CDH13: variants seen among roughly 807,000 people sequenced by gnomAD.
CDH13 encodes the protein cadherin 13.
A neutral mutation model predicts 63.8 loss-of-function variants in CDH13; 24 were observed. That is an observed-to-expected ratio of 0.38 (90% CI 0.27 to 0.53). The LOEUF is 0.53. Ranked by LOEUF, CDH13 falls within the 20% of genes least tolerant of loss-of-function variation. The pLI is 0.85. For missense variants in CDH13, 1,049 were observed against 903.1 expected (o/e 1.16, Z -2.07); for synonymous variants, 503 against 355.3 (o/e 1.42, Z -4.67).
intron 3 of CDH13, among the ~76,000 whole-genome samples, chr16:83,102,024 T>G (rs1476316603): frequency 6.6e-6 from 1 of 152,194 alleles, no homozygotes; most frequent in African/African-American, 2.4e-5. Flanking sequence ...GGTCCAATGT[T>G]ATCACCAGGG....
At chr16:83,747,970 C>G in intron 10 of CDH13, 138 bp from the exon 11 acceptor site, 1 of 884,994 alleles carries the variant, frequency 1.1e-6, no homozygotes, top group Non-Finnish European at 1.8e-6. Flanking sequence ...GAATGAGCAA[C>G]TGTAACAGAA....
intron 8 of CDH13, among the ~76,000 whole-genome samples, chr16:83,655,501 G>A (rs897300459): frequency 6.6e-6 from 1 of 152,198 alleles, no homozygotes; most frequent in Non-Finnish European, 1.5e-5. Flanking sequence ...CTGTCAGAGA[G>A]AACGACACAG....
At chr16:83,106,256 C>G (rs920980248) in intron 3 of CDH13, among the ~76,000 whole-genome samples, 1 of 152,006 alleles carries the variant, frequency 6.6e-6, no homozygotes, top group Admixed American at 6.6e-5. Flanking sequence ...AACATACAAG[C>G]AGGCCAGGCA....
intron 5 of CDH13, among the ~76,000 whole-genome samples, chr16:83,247,879 A>G (rs562786392): frequency 6.6e-6 from 1 of 152,324 alleles, no homozygotes; most frequent in South Asian, 2.1e-4. Context: ...CAAAGGACAG[A>G]TGATTCTTCA....
In CDH13 at chr16:83,635,296, C is replaced by A. The variant is rs1911152734; in HGVS notation, c.1101+32702C>A. 1.3e-5 allele frequency among the ~76,000 whole-genome samples: 2 copies of A among 149,106 alleles called. 1 individual carries two copies. Among genetic ancestry groups the A allele is most frequent in the South Asian group, 4.3e-4 (2 of 4,682 alleles). ...TTTTTGTTTCGTTTTGTTTTACAGGCCATTTTCAGGACTTTAACTTTTGCC... is the reference window on the plus strand; with the variant it reads ...TTTTTGTTTCGTTTTGTTTTACAGGACATTTTCAGGACTTTAACTTTTGCC... On this transcript the variant is annotated intron_variant, in intron 8 of 13. Coordinates refer to ENST00000567109, the MANE Select transcript of CDH13 (RefSeq NM_001257.5).
intron 5 of CDH13, among the ~76,000 whole-genome samples, chr16:83,270,169 A>G (rs1019111411): frequency 2.6e-5 from 4 of 152,330 alleles, no homozygotes; most frequent in Middle Eastern, 3.4e-3. Context: ...CAGGGCAATA[A>G]TCTATTGAAA....
intron 1 of CDH13, among the ~76,000 whole-genome samples, chr16:82,669,775 C>T (rs1913020958): frequency 6.6e-6 from 1 of 152,210 alleles, no homozygotes; most frequent in Non-Finnish European, 1.5e-5. Context: ...TTATCACCCT[C>T]TCCAGTGAGA....
intron 6 of CDH13, among the ~76,000 whole-genome samples, chr16:83,438,672 G>C (rs748170463): frequency 6.6e-6 from 1 of 152,200 alleles, no homozygotes; most frequent in African/African-American, 2.4e-5. Context: ...CCTGTATATA[G>C]TACGTTCTTT....
chr16:83,117,661 A>C (rs1187919811), intron 3 of CDH13, among the ~76,000 whole-genome samples: 1 of 151,920 alleles, frequency 6.6e-6, no homozygotes, highest in Non-Finnish European at 1.5e-5. Flanking sequence ...CGTTTTGAAG[A>C]AATGAATGAA....
At chr16:83,093,657 A>G (rs4350558) in intron 3 of CDH13, among the ~76,000 whole-genome samples, 7,448 of 151,962 alleles carry the variant, frequency 0.049, 572 homozygotes, top group African/African-American at 0.17. Flanking sequence ...TATTTCAAAC[A>G]ATATGGGAAT....
chr16:83,147,420 A>G (rs1313088433), intron 4 of CDH13, among the ~76,000 whole-genome samples: 1 of 152,028 alleles, frequency 6.6e-6, no homozygotes, highest in Non-Finnish European at 1.5e-5. Context: ...AAATCTCAAC[A>G]TTCCTCAGGG....
At position 83,181,857 on chromosome 16, in the gene CDH13, G is replaced by A. The variant is rs529127599; in HGVS notation, c.484-35488G>A. ...CCACAGTTTGCATAGATTTCCCATG[G>A]AGATGTTGATTGCAGGTTGGTCAGA... On this transcript the variant is annotated intron_variant, in intron 4 of 13. Transcript: ENST00000567109. Among the ~76,000 whole-genome samples, 21 of 152,248 alleles carry A rather than the reference G, an allele frequency of 1.4e-4. No homozygotes were observed. In the South Asian group the frequency reaches 4.1e-3, roughly 30 times the overall value.
intron 6 of CDH13, among the ~76,000 whole-genome samples, chr16:83,452,656 A>T (rs1280108765): frequency 6.6e-6 from 1 of 152,252 alleles, no homozygotes; most frequent in Non-Finnish European, 1.5e-5. Flanking sequence ...AAAGACAAAC[A>T]TGATATTTAA....
intron 5 of CDH13, among the ~76,000 whole-genome samples, chr16:83,265,305 T>G (rs72802289): frequency 0.02 from 3,086 of 152,344 alleles, 33 homozygotes; most frequent in South Asian, 0.039. Flanking sequence ...CTCTTTTTCC[T>G]TCCTGGTTAA....
At chr16:83,154,090 C>T (rs141027877) in intron 4 of CDH13, among the ~76,000 whole-genome samples, 289 of 152,194 alleles carry the variant, frequency 1.9e-3, no homozygotes, top group African/African-American at 6.7e-3. Flanking sequence ...CAGCCTGTGG[C>T]GTGTGAGTCA....
At chr16:83,352,948 C>T (rs1174510556) in intron 6 of CDH13, among the ~76,000 whole-genome samples, 1 of 152,150 alleles carries the variant, frequency 6.6e-6, no homozygotes, top group East Asian at 1.9e-4. Flanking sequence ...ATGTGGATGC[C>T]ATTATCTTTG....
chr16:82,674,825 C>T (rs1320792309), intron 1 of CDH13, among the ~76,000 whole-genome samples: 2 of 152,132 alleles, frequency 1.3e-5, no homozygotes, highest in Non-Finnish European at 2.9e-5. Flanking sequence ...GGGCTGCCTT[C>T]TGAGACACAA....
chr16:83,791,235 G>A (rs1319937350), intron 13 of CDH13, among the ~76,000 whole-genome samples: 5 of 152,068 alleles, frequency 3.3e-5, no homozygotes, highest in East Asian at 1.9e-4. Flanking sequence ...GGTGGCTCAC[G>A]TCTGTAATCC....
Position 83,030,171 on chromosome 16 carries a change from A to G in CDH13, c.158-1839A>G, listed in dbSNP as rs549450139. On this transcript the variant is annotated intron_variant, in intron 2 of 13. Transcript: ENST00000567109. Reference sequence around the variant, plus strand: ...ACACATGAATAAGGTATTCCATGGCAGGAACTTTGCTCACATCTGTCCACT... The same window carrying G: ...ACACATGAATAAGGTATTCCATGGCGGGAACTTTGCTCACATCTGTCCACT... Among the ~76,000 whole-genome samples, 291 of 152,278 alleles carry G rather than the reference A, an allele frequency of 1.9e-3. 1 individual carries two copies. Among genetic ancestry groups the G allele is most frequent in the Middle Eastern group, 0.017 (5 of 294 alleles).
Sources: gnomAD v4.1 joint callset for allele counts (sites outside exome capture counted in the v4.1 genomes callset) on GRCh38, gnomAD v4.1.1 for gene constraint, MANE v1.5 for transcripts, NCBI Gene and HGNC (gene_info 2026-07-23, HGNC 2026-07-21) for gene names.